Variants in ATAD2B observed in about 807,000 individuals in gnomAD.
ATAD2B encodes the protein ATPase family AAA domain containing 2B, also known as ATPase family AAA domain-containing protein 2B.
ATAD2B carries 40 observed loss-of-function variants against 167.6 expected under a neutral mutation model. The observed-to-expected ratio is 0.24, with a 90% CI of 0.19 to 0.31. The LOEUF (loss-of-function observed/expected upper bound fraction) is 0.31. Among genes scored for constraint, ATAD2B ranks in the 10% least tolerant of loss-of-function variants. The probability of loss-of-function intolerance (pLI) is 1.00; values close to 1 mark genes in which losing one functional copy is unlikely to be tolerated. For missense variants in ATAD2B, 1,242 were observed against 1,757.2 expected, an observed-to-expected ratio of 0.71 and a Z score of 5.24; for synonymous variants, 579 against 596.5, an observed-to-expected ratio of 0.97 and a Z score of 0.43.
chr2:23,861,249 G>A (rs977411460), intron 12 of ATAD2B, among the ~76,000 whole-genome samples: 1 of 149,990 alleles, frequency 6.7e-6, no homozygotes, highest in Non-Finnish European at 1.5e-5. Flanking sequence ...TGTCTTCTCA[G>A]TGAAATCTCA....
chr2:23,853,336 A>G (rs1026709934), intron 13 of ATAD2B, among the ~76,000 whole-genome samples: 5 of 152,244 alleles, frequency 3.3e-5, no homozygotes, highest in Admixed American at 6.5e-5. Context: ...AGGAAACCAC[A>G]AAATAGCTAA....
chr2:23,810,335 G>A lies in ATAD2B; in HGVS notation c.2435C>T (p.Pro812Leu). The change falls in exon 18 of 28, where the codon CCT becomes CTT. Residue 812 changes from proline (P) to leucine (L), a missense_variant. This residue lies in a region of ATAD2B where 34 missense variants were observed against 101.1 expected (regional missense o/e 0.34). Transcript: ENST00000238789. The part of the protein sequence containing the change: ...PALYSVSAKT[P>L]EESCAQIFRE... ...ACCTACCTGTGCACATGATTCCTCA[G>A]GTGTTTTGGCACTAACTGAATAAAG... is the stretch of plus-strand genomic sequence containing the variant. 1 of 1,613,714 alleles carries A rather than the reference G, an allele frequency of 6.2e-7. No homozygotes were observed.
intron 14 of ATAD2B, 21 bp downstream of exon 14, chr2:23,833,898 A>G: frequency 1.9e-6 from 3 of 1,576,514 alleles, no homozygotes; most frequent in Non-Finnish European, 2.6e-6. Flanking sequence ...ATGTTAACAT[A>G]TTGAAAACAA....
chr2:23,922,307 C>CA (rs1277153327), intron 1 of ATAD2B, among the ~76,000 whole-genome samples: 1 of 151,064 alleles, frequency 6.6e-6, no homozygotes, highest in African/African-American at 2.4e-5. Flanking sequence ...CTAGGTGGAG[C>CA]AAATAAACGC....
chr2:23,819,155 G>C (rs1687050653), intron 17 of ATAD2B, among the ~76,000 whole-genome samples: 1 of 152,034 alleles, frequency 6.6e-6, no homozygotes, highest in Non-Finnish European at 1.5e-5. Flanking sequence ...CTAAGGGTAA[G>C]CTTTCCTCTG....
chr2:23,825,179 C>G (rs1247833112), intron 15 of ATAD2B, among the ~76,000 whole-genome samples: 2 of 149,260 alleles, frequency 1.3e-5, no homozygotes, highest in African/African-American at 5.0e-5. Context: ...AACTCCTAGC[C>G]TCAATCCTCC....
intron 22 of ATAD2B, among the ~76,000 whole-genome samples, chr2:23,777,167 C>T (rs923255784): frequency 2.0e-5 from 3 of 152,028 alleles, no homozygotes; most frequent in Non-Finnish European, 4.4e-5. Context: ...GAAAAGAGGC[C>T]TCAGGAGAAA....
At chr2:23,686,433 C>A in the ATAD2B span, among the ~76,000 whole-genome samples, 1 of 152,070 alleles carries the variant, frequency 6.6e-6, no homozygotes, top group Admixed American at 6.5e-5. Context: ...TCCTCTCCTG[C>A]GCCCTGGGCT....
chr2:23,917,066 G>A (rs1703143680), intron 1 of ATAD2B, among the ~76,000 whole-genome samples: 1 of 152,352 alleles, frequency 6.6e-6, no homozygotes, highest in Admixed American at 6.5e-5. Flanking sequence ...ACTACAGCGT[G>A]AATGGTGCTT....
intron 13 of ATAD2B, among the ~76,000 whole-genome samples, chr2:23,853,657 C>T (rs891515135): frequency 6.6e-6 from 1 of 152,134 alleles, no homozygotes; most frequent in Non-Finnish European, 1.5e-5. Context: ...TAATTGCAAT[C>T]CCAAATAAAT....
chr2:23,681,140 C>G, the ATAD2B span, among the ~76,000 whole-genome samples: 21 of 152,362 alleles, frequency 1.4e-4, no homozygotes, highest in African/African-American at 4.3e-4. The surrounding 1 kb of genome is among the most constrained non-coding windows in gnomAD (Gnocchi z 4.2). Context: ...TAAGCTCCTG[C>G]TTCGCCGGCC....
Position 23,754,285 on chromosome 2 carries a change from T to C in ATAD2B, c.4229A>G (p.Asp1410Gly), listed in dbSNP as rs778934080. The C allele has an allele frequency of 6.4e-7, 1 of 1,559,168 alleles. No individual in the cohort carries two copies. Among genetic ancestry groups the C allele is most frequent in the South Asian group, 1.2e-5 (1 of 82,006 alleles). The change falls in exon 27 of 28, where the codon GAT becomes GGT. Residue 1410 changes from aspartate (D) to glycine (G), a missense_variant. Around this residue, in one of 9 missense-constraint regions of ATAD2B, gnomAD observed 282 missense variants for 346.8 expected, o/e 0.81. Transcript: ENST00000238789. ...RLKKLLDLLV[D>G]KSNNLAVDQL... Reference sequence around the variant, plus strand: ...ATCAACTGCCAGATTGTTGCTTTTATCCACCAACAAATCAAGCAATTTCTA... The same window carrying C: ...ATCAACTGCCAGATTGTTGCTTTTACCCACCAACAAATCAAGCAATTTCTA...
chr2:23,737,414 G>A, the ATAD2B span, among the ~76,000 whole-genome samples: 6 of 152,166 alleles, frequency 3.9e-5, no homozygotes, highest in South Asian at 8.3e-4. Flanking sequence ...TGCAGCCACC[G>A]CTGCTGACAC....
At chr2:23,859,417 T>TC (rs1184674562) in intron 12 of ATAD2B, among the ~76,000 whole-genome samples, 1 of 152,054 alleles carries the variant, frequency 6.6e-6, no homozygotes, top group Non-Finnish European at 1.5e-5. Flanking sequence ...CAATCAATTC[T>TC]CCCGCCTCAG....
At chr2:23,724,623 A>G in the ATAD2B span, among the ~76,000 whole-genome samples, 1 of 152,210 alleles carries the variant, frequency 6.6e-6, no homozygotes, top group Non-Finnish European at 1.5e-5. Context: ...CAAACTTGGT[A>G]GAATATATTA....
In ATAD2B at chr2:23,872,660, A is replaced by C. The variant is rs1389027918; in HGVS notation, c.978-2899T>G. On this transcript the variant is annotated intron_variant, in intron 8 of 27. Transcript: ENST00000238789. ...CGGAGGTGGTGGAACATCATAGGAG[A>C]GCCTCCAGATCTTCACCTGGGCCTC... 4 of 1,347,536 alleles carry C rather than the reference A, an allele frequency of 3.0e-6. No individual in the cohort carries two copies. The East Asian group carries it at 6.9e-5, about 23-fold the overall frequency. The allele number at this position is 1,347,536 out of a possible 1,614,324, so 83.5% of individuals were successfully genotyped here. A position where few individuals can be genotyped will look rare whatever the true frequency, so the allele number is the denominator to read the frequency against.
At position 23,831,944 on chromosome 2, in the gene ATAD2B, C is replaced by T. The variant is rs548496746; in HGVS notation, c.1728+1975G>A. Among the ~76,000 whole-genome samples, 7 of 152,244 alleles carry T rather than the reference C, an allele frequency of 4.6e-5. No homozygotes were observed. In the East Asian group the frequency reaches 1.2e-3, roughly 25 times the overall value. ...CTTTGCAGAAAAACTCTTTTTAAAA[C>T]ATATCTATATTCACTCCCTCCAATT... On this transcript the variant is annotated intron_variant, in intron 14 of 27. Transcript: ENST00000238789.
downstream of ATAD2B, among the ~76,000 whole-genome samples, chr2:23,748,432 C>G (rs1197166325): frequency 6.6e-6 from 1 of 152,162 alleles, no homozygotes; most frequent in Admixed American, 6.6e-5. Context: ...TGCTTCTATA[C>G]AACATATTTT....
At chr2:23,841,200 A>G (rs1209166486) in intron 13 of ATAD2B, among the ~76,000 whole-genome samples, 1 of 139,014 alleles carries the variant, frequency 7.2e-6, no homozygotes, top group South Asian at 2.2e-4. Context: ...TTAGCCTCCC[A>G]GAGTGCTGGG....
Sources: allele counts gnomAD v4.1 joint callset (sites outside exome capture counted in the v4.1 genomes callset), GRCh38; gene constraint gnomAD v4.1.1; regional missense constraint gnomAD v4.1.1; non-coding constraint Gnocchi (gnomAD v3.1); transcripts MANE v1.5; gene names NCBI Gene and HGNC (gene_info 2026-07-23, HGNC 2026-07-21).